Variants in CSMD1 observed in about 807,000 individuals in gnomAD.
CSMD1 encodes the protein CUB and Sushi multiple domains 1.
CSMD1 carries 213 observed loss-of-function variants against 417.5 expected under a neutral mutation model. The observed-to-expected ratio is 0.51, with a 90% CI of 0.46 to 0.57. The LOEUF (loss-of-function observed/expected upper bound fraction) is 0.57. CSMD1 is among the 20% of genes least tolerant of loss of function. The pLI, the probability that CSMD1 is intolerant of heterozygous loss-of-function variation, is 0.00. For missense variants in CSMD1, 6,923 were observed against 4,529.7 expected (o/e 1.53, Z -15.17); for synonymous variants, 2,862 against 1,736.8 (o/e 1.65, Z -16.11).
intron 62 of CSMD1, among the ~76,000 whole-genome samples, chr8:2,958,610 G>T (rs1034671075): frequency 6.6e-6 from 1 of 152,222 alleles, no homozygotes; most frequent in African/African-American, 2.4e-5. Flanking sequence ...ATGGTTCTGT[G>T]TATCTGCAGC....
chr8:4,913,520 A>G (rs997739251), intron 1 of CSMD1, among the ~76,000 whole-genome samples: 1 of 152,188 alleles, frequency 6.6e-6, no homozygotes, highest in Non-Finnish European at 1.5e-5. Context: ...TATTTTAAAC[A>G]GAAGCCCTGC....
At chr8:3,499,110 C>CTCCT (rs1427056204) in intron 10 of CSMD1, among the ~76,000 whole-genome samples, 1 of 152,144 alleles carries the variant, frequency 6.6e-6, no homozygotes, top group African/African-American at 2.4e-5. Context: ...TCTGACAAAA[C>CTCCT]AATTTCTCCT....
chr8:3,575,626 A>C (rs1007170552), intron 9 of CSMD1, among the ~76,000 whole-genome samples: 1 of 152,210 alleles, frequency 6.6e-6, no homozygotes, highest in Non-Finnish European at 1.5e-5. Flanking sequence ...TCTATTCTAC[A>C]ATAAACTATA....
intron 1 of CSMD1, among the ~76,000 whole-genome samples, chr8:4,831,631 C>A (rs551498426): frequency 6.6e-6 from 1 of 152,230 alleles, no homozygotes; most frequent in South Asian, 2.1e-4. Context: ...CTTTCTTTCG[C>A]TTTGGAAAGG....
intron 5 of CSMD1, among the ~76,000 whole-genome samples, chr8:3,858,266 G>C (rs995739440): frequency 6.6e-6 from 1 of 152,102 alleles, no homozygotes; most frequent in Non-Finnish European, 1.5e-5. Flanking sequence ...CACAGAATGA[G>C]GATGGGCCTT....
chr8:3,086,331 GCTGT>G (rs1335371079), intron 49 of CSMD1, among the ~76,000 whole-genome samples: 10 of 151,928 alleles, frequency 6.6e-5, no homozygotes, highest in Non-Finnish European at 1.5e-4. Flanking sequence ...AATAATACAG[GCTGT>G]CTGATCAACT....
chr8:3,673,317 C>T (rs578041903), intron 7 of CSMD1, among the ~76,000 whole-genome samples: 5 of 152,146 alleles, frequency 3.3e-5, no homozygotes, highest in African/African-American at 9.7e-5. Context: ...AACAGGTAAA[C>T]TGAAAATTCA....
chr8:3,598,394 G>A (rs754440235), intron 8 of CSMD1: 8 of 152,156 alleles, frequency 5.3e-5, no homozygotes, highest in Admixed American at 4.6e-4. Flanking sequence ...GCTCACGTCA[G>A]TCTCTAGGAG....
intron 4 of CSMD1, among the ~76,000 whole-genome samples, chr8:4,007,645 G>C (rs533663037): frequency 7.9e-5 from 12 of 152,212 alleles, no homozygotes; most frequent in Non-Finnish European, 1.5e-4. Flanking sequence ...CCTGTTCCTA[G>C]GAGGCGGCCT....
intron 1 of CSMD1, among the ~76,000 whole-genome samples, chr8:4,737,429 C>A (rs896889417): frequency 7.2e-5 from 11 of 151,956 alleles, no homozygotes; most frequent in Non-Finnish European, 1.2e-4. Flanking sequence ...ATCTGTACCA[C>A]AAATTGCCAT....
intron 1 of CSMD1, among the ~76,000 whole-genome samples, chr8:4,703,793 G>A (rs560711348): frequency 5.5e-4 from 83 of 152,104 alleles, no homozygotes; most frequent in Non-Finnish European, 8.8e-4. Flanking sequence ...GAAGAGACCC[G>A]ATCATCAAGC....
chr8:3,331,237 C>CAAAAAAAAAAAAAAA (rs112278319), intron 23 of CSMD1, among the ~76,000 whole-genome samples: 6 of 128,522 alleles, frequency 4.7e-5, no homozygotes, highest in African/African-American at 1.9e-4. Flanking sequence ...GACTCCGTCT[C>CAAAAAAAAAAAAAAA]AAAAAAAAAA....
intron 6 of CSMD1, among the ~76,000 whole-genome samples, chr8:3,718,067 T>C (rs1030570434): frequency 2.0e-4 from 30 of 152,320 alleles, no homozygotes; most frequent in African/African-American, 6.7e-4. Flanking sequence ...TTCAGTAATT[T>C]GGTGGTTGAA....
intron 20 of CSMD1, among the ~76,000 whole-genome samples, chr8:3,364,913 G>C (rs1360547525): frequency 1.3e-5 from 2 of 152,190 alleles, no homozygotes; most frequent in African/African-American, 2.4e-5. Context: ...CCTGTGGTGA[G>C]GGCACCAGAA....
chr8:4,759,211 C>G (rs919783397), intron 1 of CSMD1, among the ~76,000 whole-genome samples: 19 of 152,142 alleles, frequency 1.2e-4, no homozygotes, highest in African/African-American at 4.1e-4. Context: ...AGGCCAGAGG[C>G]TCTGGTCTCT....
At chr8:2,994,765 T>G (rs1041663698) in intron 54 of CSMD1, among the ~76,000 whole-genome samples, 4 of 152,222 alleles carry the variant, frequency 2.6e-5, no homozygotes, top group Non-Finnish European at 5.9e-5. Context: ...TTAATTTTTT[T>G]ATTTTGGGTT....
chr8:4,136,173 G>A (rs139569231), intron 3 of CSMD1, among the ~76,000 whole-genome samples: 60 of 152,224 alleles, frequency 3.9e-4, no homozygotes, highest in South Asian at 4.1e-4. Context: ...GAAAAGATAC[G>A]ATATACACAA....
chr8:3,187,222 C>T (rs958718228), intron 36 of CSMD1, among the ~76,000 whole-genome samples: 2 of 152,102 alleles, frequency 1.3e-5, no homozygotes, highest in Admixed American at 6.5e-5. Flanking sequence ...AATGCTATTA[C>T]AAAGCAAAGT....
intron 2 of CSMD1, among the ~76,000 whole-genome samples, chr8:4,468,773 T>C (rs1463175713): frequency 2.6e-5 from 4 of 152,222 alleles, no homozygotes; most frequent in African/African-American, 7.2e-5. Flanking sequence ...CAGCTTAGCA[T>C]GTCCTGTGTT....
Sources: allele counts gnomAD v4.1 joint callset (sites outside exome capture counted in the v4.1 genomes callset), GRCh38; gene constraint gnomAD v4.1.1; transcripts MANE v1.5; gene names NCBI Gene and HGNC (gene_info 2026-07-23, HGNC 2026-07-21).